KAT6B: variants seen among roughly 807,000 people sequenced by gnomAD.
The protein encoded by KAT6B is histone acetyltransferase KAT6B.
KAT6B carries 10 observed loss-of-function variants against 187.5 expected under a neutral mutation model. The observed-to-expected ratio is 0.05, with a 90% CI of 0.03 to 0.09. KAT6B has a LOEUF of 0.09. Among genes scored for constraint, KAT6B ranks in the 10% least tolerant of loss-of-function variants. The probability of loss-of-function intolerance (pLI) is 1.00; values close to 1 mark genes in which losing one functional copy is unlikely to be tolerated. For synonymous variants in KAT6B, 861 were observed against 926.8 expected (o/e 0.93, Z 1.29); for missense variants, 1,952 against 2,558.9 (o/e 0.76, Z 5.12).
intron 3 of KAT6B, among the ~76,000 whole-genome samples, chr10:74,871,336 G>A (rs1843942929): frequency 6.6e-6 from 1 of 151,484 alleles, no homozygotes; most frequent in Non-Finnish European, 1.5e-5. Context: ...GGGATTACAG[G>A]CACACACCGT....
chr10:74,931,960 T>C (rs6480765), intron 3 of KAT6B, among the ~76,000 whole-genome samples: 47,066 of 152,006 alleles, frequency 0.31, 13,119 homozygotes, highest in African/African-American at 0.73. Flanking sequence ...AATCCTCCTG[T>C]GTTGGCCTCC....
chr10:74,833,010 C>T (rs1374685122), intron 1 of KAT6B, among the ~76,000 whole-genome samples: 2 of 151,606 alleles, frequency 1.3e-5, no homozygotes, highest in African/African-American at 4.8e-5. Context: ...TGGCATGTGC[C>T]TGTAATCCCA....
chr10:74,894,389 T>C (rs2132676006), intron 3 of KAT6B, among the ~76,000 whole-genome samples: 1 of 152,318 alleles, frequency 6.6e-6, no homozygotes, highest in Non-Finnish European at 1.5e-5. Flanking sequence ...GCCATGTTGT[T>C]ATTTTTGGTT....
At chr10:74,954,383 T>C (rs2133439264) in intron 3 of KAT6B, among the ~76,000 whole-genome samples, 1 of 152,280 alleles carries the variant, frequency 6.6e-6, no homozygotes, top group African/African-American at 2.4e-5. Flanking sequence ...TGAAAAGAGT[T>C]CTGGAGATAA....
At chr10:74,936,929 GT>G (rs2133237936) in intron 3 of KAT6B, among the ~76,000 whole-genome samples, 1 of 152,340 alleles carries the variant, frequency 6.6e-6, no homozygotes, top group African/African-American at 2.4e-5. Flanking sequence ...GAGTTTCACT[GT>G]TTCATGTTTG....
chr10:74,952,056 A>G (rs1200002741), intron 3 of KAT6B, among the ~76,000 whole-genome samples: 1 of 152,224 alleles, frequency 6.6e-6, no homozygotes, highest in African/African-American at 2.4e-5. Context: ...ATGAAGAAAA[A>G]TAAAGCCAAG....
intron 13 of KAT6B, among the ~76,000 whole-genome samples, chr10:75,018,930 C>T (rs1564623979): frequency 6.6e-6 from 1 of 152,220 alleles, no homozygotes; most frequent in Non-Finnish European, 1.5e-5. Flanking sequence ...GTACGTTTCT[C>T]AGCATGTGCC....
intron 3 of KAT6B, among the ~76,000 whole-genome samples, chr10:74,890,864 C>A (rs1220036872): frequency 6.6e-6 from 1 of 152,028 alleles, no homozygotes; most frequent in Non-Finnish European, 1.5e-5. Context: ...GTAAATAGAA[C>A]ACAGTTTGGG....
At chr10:74,872,709 G>T (rs1308631624) in intron 3 of KAT6B, among the ~76,000 whole-genome samples, 3 of 151,696 alleles carry the variant, frequency 2.0e-5, no homozygotes, top group African/African-American at 7.3e-5. Flanking sequence ...TAGAGAGGGG[G>T]TTCTGCTATG....
chr10:75,030,591 A>T lies in KAT6B; in HGVS notation c.5767A>T (p.Ile1923Phe). 4 of 1,611,224 alleles carry T rather than the reference A, an allele frequency of 2.5e-6. No individual in the cohort carries two copies. Among genetic ancestry groups the T allele is most frequent in the Non-Finnish European group, 3.4e-6 (4 of 1,177,498 alleles). ...AACCCAGATTGCCAGCAAGGGCCAC[A>T]TCTCCATGAGAACCAAGTCAGCGTC... ...LQTQIASKGHISMRTKSASLS... is the reference protein window; with the variant it reads ...LQTQIASKGHFSMRTKSASLS... Residue 1923 changes from isoleucine (I) to phenylalanine (F), a missense_variant, in exon 18 of 18, where the codon ATC (isoleucine) becomes TTC (phenylalanine). By Grantham distance (21) the Ile-to-Phe change is conservative. Transcript: ENST00000287239. The surrounding 1 kb of genome is among the most constrained non-coding windows in gnomAD (Gnocchi z 4.8).
At chr10:74,825,065 G>T (rs1840090328), upstream of KAT6B, among the ~76,000 whole-genome samples, 1 of 152,228 alleles carries the variant, frequency 6.6e-6, no homozygotes. The surrounding 1 kb of genome is among the most constrained non-coding windows in gnomAD (Gnocchi z 5.0). Flanking sequence ...CCTGTCCGCA[G>T]TCGCTGAATG....
In KAT6B at chr10:74,950,196, G is replaced by A. The variant is rs540883306; in HGVS notation, c.622-9774G>A. On this transcript the variant is annotated intron_variant, in intron 3 of 17. Coordinates refer to ENST00000287239, the MANE Select transcript of KAT6B (RefSeq NM_012330.4). ...TTATCTTTTAGAAAAAAATTGTTTG[G>A]TGTCTACTTATGTCCAATTCATGAT... is the stretch of plus-strand genomic sequence containing the variant. Among the ~76,000 whole-genome samples, 97 of 152,276 alleles carry A rather than the reference G, an allele frequency of 6.4e-4. 1 individual carries two copies. Among genetic ancestry groups the A allele is most frequent in the Middle Eastern group, 6.8e-3 (2 of 294 alleles).
At chr10:74,833,380 T>C (rs1353884866) in intron 1 of KAT6B, among the ~76,000 whole-genome samples, 1 of 152,224 alleles carries the variant, frequency 6.6e-6, no homozygotes, top group Middle Eastern at 3.2e-3. Context: ...TGACTTCAAA[T>C]GACTTTTCAT....
chr10:74,932,007 C>T (rs150144111), intron 3 of KAT6B, among the ~76,000 whole-genome samples: 13 of 152,172 alleles, frequency 8.5e-5, no homozygotes, highest in Admixed American at 5.9e-4. Flanking sequence ...CCACCACGCC[C>T]GGCTGAAAGC....
intron 3 of KAT6B, among the ~76,000 whole-genome samples, chr10:74,905,528 G>A (rs1846693365): frequency 6.6e-6 from 1 of 152,116 alleles, no homozygotes; most frequent in South Asian, 2.1e-4. Flanking sequence ...TGGCCTGCAG[G>A]TTAAACAGGT....
intron 3 of KAT6B, among the ~76,000 whole-genome samples, chr10:74,852,631 A>G (rs1842546601): frequency 6.6e-6 from 1 of 152,234 alleles, no homozygotes. Flanking sequence ...ACTCTGAGGC[A>G]TGACAGCGTG....
chr10:74,936,222 G>A (rs995041009), intron 3 of KAT6B, among the ~76,000 whole-genome samples: 8 of 152,004 alleles, frequency 5.3e-5, no homozygotes, highest in Non-Finnish European at 5.9e-5. Context: ...CCAACATGGT[G>A]AAACCCTGTC....
intron 9 of KAT6B, 26 bp from the exon 10 acceptor site, chr10:74,979,198 A>T (rs1444809009): frequency 1.3e-6 from 2 of 1,498,070 alleles, no homozygotes; most frequent in Admixed American, 3.4e-5. Flanking sequence ...ATATATTATT[A>T]TTTTCCTTTT....
chr10:74,985,443 C>T (rs532827388), intron 12 of KAT6B, among the ~76,000 whole-genome samples: 4 of 152,316 alleles, frequency 2.6e-5, no homozygotes, highest in Middle Eastern at 3.4e-3. Flanking sequence ...AGGACCTCAG[C>T]ACTGTGTGCC....
Sources: gnomAD v4.1 joint callset for allele counts (sites outside exome capture counted in the v4.1 genomes callset) on GRCh38, gnomAD v4.1.1 for gene constraint, Gnocchi (gnomAD v3.1) non-coding constraint, MANE v1.5 for transcripts, NCBI Gene and HGNC (gene_info 2026-07-23, HGNC 2026-07-21) for gene names.